CD38: variants seen among roughly 807,000 people sequenced by gnomAD.
CD38 encodes ADP-ribosyl cyclase/cyclic ADP-ribose hydrolase 1.
Under a neutral mutation model 36.3 loss-of-function variants are expected in CD38, and 31 were observed. That is an observed-to-expected ratio of 0.85 (90% CI 0.64 to 1.15). CD38 has a LOEUF of 1.15. Ranked by LOEUF, CD38 falls within the 50% of genes most tolerant of loss-of-function variation. CD38 has a pLI of 0.00. For missense variants in CD38, 380 were observed against 371.9 expected (o/e 1.02, Z -0.18); for synonymous variants, 131 against 135.2 (o/e 0.97, Z 0.22).
chr4:15,791,173 T>A (rs1178896040), intron 1 of CD38, among the ~76,000 whole-genome samples: 4 of 72,532 alleles, frequency 5.5e-5, no homozygotes, highest in Non-Finnish European at 7.8e-5. Context: ...GGGAGGGAGG[T>A]GGGGGGGTCA....
chr4:15,814,645 T>C (rs1723544611), intron 1 of CD38, among the ~76,000 whole-genome samples: 3 of 152,144 alleles, frequency 2.0e-5, no homozygotes, highest in African/African-American at 7.2e-5. Flanking sequence ...GTCCAGTTTT[T>C]GTTTTCTGTA....
intron 3 of CD38, among the ~76,000 whole-genome samples, chr4:15,831,526 T>A (rs982826264): frequency 6.6e-6 from 1 of 152,192 alleles, no homozygotes; most frequent in Non-Finnish European, 1.5e-5. Flanking sequence ...TCCTTCAAGT[T>A]TGAAGGATAT....
intron 2 of CD38, among the ~76,000 whole-genome samples, chr4:15,817,099 A>G (rs1723618825): frequency 6.6e-6 from 1 of 152,184 alleles, no homozygotes; most frequent in African/African-American, 2.4e-5. Flanking sequence ...CTTCATAGCC[A>G]TTCTCTGGAA....
chr4:15,797,293 C>T (rs1419764400), intron 1 of CD38, among the ~76,000 whole-genome samples: 1 of 152,146 alleles, frequency 6.6e-6, no homozygotes, highest in Admixed American at 6.5e-5. Context: ...AATATATAAA[C>T]TCTGGTTCTG....
At position 15,849,321 on chromosome 4, in the gene CD38, C is replaced by A. The variant is rs924772444; in HGVS notation, c.*719C>A. 2.0e-5 allele frequency: 3 copies of A among 152,324 alleles called. No homozygotes were observed. The South Asian group carries it at 6.2e-4, about 32-fold the overall frequency. The allele number at this position is 152,324 out of a possible 1,614,324, so 9.4% of individuals were successfully genotyped here. A position where few individuals can be genotyped will look rare whatever the true frequency, so the allele number is the denominator to read the frequency against. ...ACCTAATAATTTACCGTAAGTCCTA[C>A]ATTTAGTATCAAGCTAGAGACTGAA... On this transcript the variant is annotated 3_prime_UTR_variant, in exon 8 of 8. Transcript: ENST00000226279.
At chr4:15,805,983 G>C (rs1383520280) in intron 1 of CD38, among the ~76,000 whole-genome samples, 1 of 152,166 alleles carries the variant, frequency 6.6e-6, no homozygotes. Context: ...AGAGGATTTA[G>C]GGGGTGAGAG....
At chr4:15,821,019 C>G (rs1723721192) in intron 2 of CD38, among the ~76,000 whole-genome samples, 1 of 152,132 alleles carries the variant, frequency 6.6e-6, no homozygotes, top group African/African-American at 2.4e-5. Context: ...CAAATTAGAA[C>G]TCAAGATTAA....
At chr4:15,822,104 T>A (rs901409109) in intron 2 of CD38, among the ~76,000 whole-genome samples, 1 of 152,174 alleles carries the variant, frequency 6.6e-6, no homozygotes, top group Non-Finnish European at 1.5e-5. Context: ...CATGATTATC[T>A]CAATAGATGC....
At chr4:15,789,344 T>C (rs1351368249) in intron 1 of CD38, among the ~76,000 whole-genome samples, 1 of 152,178 alleles carries the variant, frequency 6.6e-6, no homozygotes, top group African/African-American at 2.4e-5. Flanking sequence ...GTGGAAAGTA[T>C]TAAAAAGAGT....
At chr4:15,794,775 GA>G (rs58584002) in intron 1 of CD38, among the ~76,000 whole-genome samples, 23,811 of 151,922 alleles carry the variant, frequency 0.16, 2,001 homozygotes, top group South Asian at 0.26. Context: ...GTTTTCATAG[GA>G]AAAAAATGGT....
intron 7 of CD38, among the ~76,000 whole-genome samples, chr4:15,842,152 G>A (rs1409101910): frequency 5.4e-5 from 5 of 92,662 alleles, no homozygotes; most frequent in African/African-American, 1.1e-4. Context: ...GCAGACTTAA[G>A]TGTCCCTGTC....
At chr4:15,826,236 T>C (rs1723841848) in intron 3 of CD38, 1 of 152,178 alleles carries the variant, frequency 6.6e-6, no homozygotes, top group Non-Finnish European at 1.5e-5. Flanking sequence ...TTATCAGCAA[T>C]TTGATATAGA....
chr4:15,786,726 T>G (rs1011549542), intron 1 of CD38, among the ~76,000 whole-genome samples: 3 of 152,250 alleles, frequency 2.0e-5, no homozygotes, highest in African/African-American at 7.2e-5. Flanking sequence ...TCACCTGCTA[T>G]GCACCCGCAC....
At chr4:15,793,726 A>G (rs530014301) in intron 1 of CD38, among the ~76,000 whole-genome samples, 104 of 152,326 alleles carry the variant, frequency 6.8e-4, no homozygotes, top group African/African-American at 2.5e-3. Flanking sequence ...TGATTCAGAT[A>G]AGATTTGATT....
intron 2 of CD38, among the ~76,000 whole-genome samples, chr4:15,820,002 C>A (rs2148923178): frequency 6.6e-6 from 1 of 152,302 alleles, no homozygotes; most frequent in South Asian, 2.1e-4. Flanking sequence ...GACCTCTCAG[C>A]AGAAACCTAC....
intron 1 of CD38, among the ~76,000 whole-genome samples, chr4:15,805,012 GA>G (rs1205440776): frequency 1.3e-5 from 2 of 152,036 alleles, no homozygotes; most frequent in Admixed American, 1.3e-4. Flanking sequence ...TGCACGTATT[GA>G]AATGTCACTT....
At chr4:15,813,943 T>A (rs1723529379) in intron 1 of CD38, among the ~76,000 whole-genome samples, 1 of 152,254 alleles carries the variant, frequency 6.6e-6, no homozygotes, top group African/African-American at 2.4e-5. Flanking sequence ...CAATGATTTA[T>A]ACTCCTTTGG....
chr4:15,817,179 C>T (rs1723620458), intron 2 of CD38, among the ~76,000 whole-genome samples: 1 of 152,168 alleles, frequency 6.6e-6, no homozygotes, highest in African/African-American at 2.4e-5. Context: ...TTTAGGTGAC[C>T]AGTGTTGCCC....
chr4:15,790,260 C>T (rs1055019529), intron 1 of CD38, among the ~76,000 whole-genome samples: 1 of 151,592 alleles, frequency 6.6e-6, no homozygotes, highest in African/African-American at 2.4e-5. Flanking sequence ...CTGCTGCCAT[C>T]TCGGCTCACT....
Sources: allele counts gnomAD v4.1 joint callset (sites outside exome capture counted in the v4.1 genomes callset), GRCh38; gene constraint gnomAD v4.1.1; transcripts MANE v1.5; gene names NCBI Gene and HGNC (gene_info 2026-07-23, HGNC 2026-07-21).